The following STK3 variants were observed in gnomAD, a reference collection of about 807,000 sequenced individuals.
STK3 encodes the protein serine/threonine kinase 3, also known as serine/threonine-protein kinase 3.
A neutral mutation model predicts 58.0 loss-of-function variants in STK3; 41 were observed. That is an observed-to-expected ratio of 0.71 (90% CI 0.55 to 0.92). The LOEUF (loss-of-function observed/expected upper bound fraction) is 0.92. Among genes scored for constraint, STK3 ranks in the 40% least tolerant of loss-of-function variants. The pLI, the probability that STK3 is intolerant of heterozygous loss-of-function variation, is 0.00. For synonymous variants in STK3, 170 were observed against 191.0 expected (o/e 0.89, Z 0.91); for missense variants, 479 against 602.7 (o/e 0.79, Z 2.15).
At chr8:98,898,179 C>T (rs1490523903) in intron 1 of STK3, among the ~76,000 whole-genome samples, 1 of 152,256 alleles carries the variant, frequency 6.6e-6, no homozygotes, top group Non-Finnish European at 1.5e-5. Context: ...AGTTCCTGGA[C>T]TTCCCAGTCA....
intron 6 of STK3, among the ~76,000 whole-genome samples, chr8:98,635,567 T>C (rs561290913): frequency 6.6e-6 from 1 of 152,306 alleles, no homozygotes; most frequent in South Asian, 2.1e-4. Flanking sequence ...AGAATACTTT[T>C]GGTTACTAAC....
chr8:98,473,594 C>T (rs191700172), intron 10 of STK3, among the ~76,000 whole-genome samples: 5 of 152,180 alleles, frequency 3.3e-5, no homozygotes, highest in Admixed American at 1.3e-4. Flanking sequence ...GCTTCTGATC[C>T]CCTAATGCTC....
At chr8:98,547,894 C>T in intron 9 of STK3, 75 bp downstream of exon 9, 2 of 1,287,158 alleles carry the variant, frequency 1.6e-6, no homozygotes, top group Non-Finnish European at 2.0e-6. Context: ...AAAAGTAACA[C>T]AGAACTAGCC....
At chr8:98,903,553 CTTCCT>C (rs1564093680) in intron 1 of STK3, among the ~76,000 whole-genome samples, 5 of 15,352 alleles carry the variant, frequency 3.3e-4, no homozygotes, top group South Asian at 3.4e-3. Context: ...TCTTCTTCTT[CTTCCT>C]TTTTTTTTTT....
At chr8:98,578,348 A>C (rs1018186364) in intron 8 of STK3, among the ~76,000 whole-genome samples, 50 of 152,220 alleles carry the variant, frequency 3.3e-4, no homozygotes, top group African/African-American at 1.1e-3. Flanking sequence ...TAAAATTCTA[A>C]GTAATGAATT....
At chr8:98,601,191 C>A in intron 6 of STK3, among the ~76,000 whole-genome samples, 1 of 152,024 alleles carries the variant, frequency 6.6e-6, no homozygotes, top group Non-Finnish European at 1.5e-5. Context: ...AATATATATA[C>A]ATATATTTAA....
chr8:98,376,672 C>T (rs1358296707), intron 2 of STK3, among the ~76,000 whole-genome samples: 2 of 152,170 alleles, frequency 1.3e-5, no homozygotes, highest in African/African-American at 2.4e-5. Flanking sequence ...AGAGAATGTA[C>T]GTTACTTAAC....
chr8:98,686,322 A>C (rs998719214), intron 6 of STK3, among the ~76,000 whole-genome samples: 2 of 152,226 alleles, frequency 1.3e-5, no homozygotes, highest in South Asian at 2.1e-4. Context: ...GAGAAGAGAT[A>C]CTGTCCAACT....
rs1002829454 is a variant in STK3, at chr8:98,864,283, T to C, written c.110+19364A>G. On this transcript the variant is annotated intron_variant, in intron 3 of 12. Coordinates refer to the STK3 transcript ENST00000523601. ...ATCAATCTTCCTCCTTCCTACTGTCTAAAACATGGGAGTGATGGCTGAAGT... is the reference window on the plus strand; with the variant it reads ...ATCAATCTTCCTCCTTCCTACTGTCCAAAACATGGGAGTGATGGCTGAAGT... Among the ~76,000 whole-genome samples the C allele has an allele frequency of 8.7e-5, 13 of 150,110 alleles. No homozygotes were observed. In the East Asian group the frequency reaches 2.2e-3, roughly 25 times the overall value.
At chr8:98,466,636 T>G (rs910395462) in intron 10 of STK3, among the ~76,000 whole-genome samples, 2 of 152,168 alleles carry the variant, frequency 1.3e-5, no homozygotes, top group Admixed American at 6.5e-5. Flanking sequence ...ATGTAAATGG[T>G]GACTTGTCAG....
intron 6 of STK3, among the ~76,000 whole-genome samples, chr8:98,658,713 T>C (rs906228558): frequency 3.3e-5 from 5 of 152,080 alleles, no homozygotes; most frequent in African/African-American, 1.2e-4. Context: ...GATTCTTAAA[T>C]AACTTCATTA....
chr8:98,510,694 A>G (rs904675323), intron 10 of STK3, among the ~76,000 whole-genome samples: 25 of 152,134 alleles, frequency 1.6e-4, no homozygotes, highest in African/African-American at 5.3e-4. Context: ...TAAGTTTAAT[A>G]AAGTAGCTAG....
intron 1 of STK3, among the ~76,000 whole-genome samples, chr8:98,783,537 C>T (rs1587610933): frequency 6.6e-6 from 1 of 152,206 alleles, no homozygotes. Context: ...ATGTTGATAG[C>T]TTCTGCCTGA....
chr8:98,367,956 G>T (rs571145862), downstream of STK3, among the ~76,000 whole-genome samples: 4 of 152,374 alleles, frequency 2.6e-5, no homozygotes, highest in South Asian at 4.1e-4. Context: ...TTCAGAAGCA[G>T]TGGGCTGAAT....
intron 3 of STK3, among the ~76,000 whole-genome samples, chr8:98,846,150 C>T (rs1836191615): frequency 6.6e-6 from 1 of 152,210 alleles, no homozygotes; most frequent in African/African-American, 2.4e-5. Flanking sequence ...TGCTACATCC[C>T]ATGCAGAAAT....
chr8:98,556,276 A>G (rs1811579068), intron 8 of STK3, among the ~76,000 whole-genome samples: 1 of 152,130 alleles, frequency 6.6e-6, no homozygotes, highest in South Asian at 2.1e-4. Context: ...TGCCTGATAG[A>G]AACAAATACA....
At chr8:98,359,232 G>C in the STK3 span, among the ~76,000 whole-genome samples, 1 of 151,728 alleles carries the variant, frequency 6.6e-6, no homozygotes, top group Non-Finnish European at 1.5e-5. Flanking sequence ...TGAGTGCCGG[G>C]CGCGGTGGCT....
intron 3 of STK3, among the ~76,000 whole-genome samples, chr8:98,763,680 T>C (rs1191167539): frequency 1.3e-5 from 2 of 152,126 alleles, no homozygotes; most frequent in Non-Finnish European, 2.9e-5. Flanking sequence ...TTTTCTTTTT[T>C]TTTTCTTTTT....
Position 98,893,417 on chromosome 8 carries a change from GGAAGGAAAGAAAGAAA to G in STK3, c.-78-9599_-78-9584del, listed in dbSNP as rs535663774. Among the ~76,000 whole-genome samples the G allele has an allele frequency of 4.4e-3, 366 of 83,868 alleles. 3 individuals carry two copies. The highest frequency in any genetic ancestry group is 0.012 in the East Asian group (36 of 2,888). 55.0% of individuals were successfully genotyped at this position (83,868 alleles called of 152,430 possible). A position where few individuals can be genotyped will look rare whatever the true frequency, so the allele number is the denominator to read the frequency against. On this transcript the variant is annotated intron_variant, in intron 1 of 1. Coordinates refer to the STK3 transcript ENST00000519420. ...GAGAAAGAAAGAAAGAAGGAAGGAA[GGAAGGAAAGAAAGAAA>G]GAAAGAAAGAAAGAAAGAAAGAAAG... is the stretch of plus-strand genomic sequence containing the variant.
Sources: gnomAD v4.1 joint callset for allele counts (sites outside exome capture counted in the v4.1 genomes callset) on GRCh38, gnomAD v4.1.1 for gene constraint, MANE v1.5 for transcripts, NCBI Gene and HGNC (gene_info 2026-07-23, HGNC 2026-07-21) for gene names.